Variants in SETD6 observed in about 807,000 individuals in gnomAD.
SETD6 encodes the protein N-lysine methyltransferase SETD6.
A neutral mutation model predicts 52.7 loss-of-function variants in SETD6; 67 were observed. That is an observed-to-expected ratio of 1.27 (90% confidence interval 1.04 to 1.56). The LOEUF (loss-of-function observed/expected upper bound fraction) is 1.56, where lower values mean the gene tolerates loss of function less well. Among genes scored for constraint, SETD6 ranks in the 40% most tolerant of loss-of-function variants. SETD6 has a pLI of 0.00. For missense variants in SETD6, 712 were observed against 607.5 expected (o/e 1.17, Z -1.81); for synonymous variants, 307 against 250.2 (o/e 1.23, Z -2.14).
At chr16:58,516,151 G>GTTC in intron 2 of SETD6, 51 bp from the exon 3 acceptor site, 1 of 1,312,414 alleles carries the variant, frequency 7.6e-7, no homozygotes, top group Non-Finnish European at 9.7e-7. Context: ...GGGCGGGGCG[G>GTTC]GCCCGGCCCG....
At position 58,516,870 on chromosome 16, in the gene SETD6, C is replaced by T. The variant is rs769375638; in HGVS notation, c.734C>T (p.Pro245Leu). The T allele has an allele frequency of 1.9e-6, 3 of 1,614,080 alleles. No individual in the cohort carries two copies. Among genetic ancestry groups the T allele is most frequent in the African/African-American group, 1.3e-5 (1 of 74,924 alleles). Residue 245 changes from proline to leucine, a missense_variant, in exon 5 of 8, where the codon CCT becomes CTT. Physicochemically the swap from Pro to Leu is moderately conservative, Grantham distance 98 (BLOSUM62 -3). Transcript: ENST00000219315. Reference sequence around the variant, plus strand: ...GAGCCCAACTCCCCCGTGATGGTGCCTGCTGCAGACATACTAAACCACTTA... The same window carrying T: ...GAGCCCAACTCCCCCGTGATGGTGCTTGCTGCAGACATACTAAACCACTTA... Reference protein sequence around the residue: ...EKEPNSPVMVPAADILNHLAN... With the variant: ...EKEPNSPVMVLAADILNHLAN...
Position 58,520,954 on chromosome 16 carries a change from T to C in SETD6, c.*1925T>C, listed in dbSNP as rs2151884740. ...TGACACGTACAACAGAGATGCAGTT[T>C]CGTCTAACTGGCACCTGTCCCTTCC... On this transcript the variant is annotated 3_prime_UTR_variant, in exon 8 of 8. Coordinates refer to ENST00000219315, the MANE Select transcript of SETD6 (RefSeq NM_001160305.4). 1 of 1,613,046 alleles carries C rather than the reference T, an allele frequency of 6.2e-7. No homozygotes were observed. The highest frequency in any genetic ancestry group is 8.5e-7 in the Non-Finnish European group (1 of 1,179,990).
Position 58,515,968 on chromosome 16 carries a change from C to G in SETD6, c.205C>G (p.Gln69Glu). 1 of 1,532,678 alleles carries G rather than the reference C, an allele frequency of 6.5e-7. No individual in the cohort carries two copies. Among genetic ancestry groups the G allele is most frequent in the Non-Finnish European group, 8.7e-7 (1 of 1,149,134 alleles). The allele number at this position is 1,532,678 out of a possible 1,614,324, so 94.9% of individuals were successfully genotyped here. ...TCCTGCTCAGGTGGCGGTCAGCCGG[C>G]AGGGCACGGTGGCCGGCTACGGCAT... ...SPPAQVAVSR[Q>E]GTVAGYGMVA... The change falls in exon 2 of 8, where the codon CAG becomes GAG. Residue 69 changes from glutamine (Q) to glutamate (E), a missense_variant. By Grantham distance (29) the Gln-to-Glu change is conservative. Coordinates refer to ENST00000219315, the MANE Select transcript of SETD6 (RefSeq NM_001160305.4).
Position 58,520,774 on chromosome 16 carries a change from G to T in SETD6, c.*1745G>T. The T allele has an allele frequency of 3.3e-6, 2 of 606,888 alleles. No individual in the cohort carries two copies. The highest frequency in any genetic ancestry group is 5.7e-6 in the Non-Finnish European group (2 of 349,496). 37.6% of individuals were successfully genotyped at this position (606,888 alleles called of 1,614,324 possible). A position where few individuals can be genotyped will look rare whatever the true frequency, so the allele number is the denominator to read the frequency against. On this transcript the variant is annotated 3_prime_UTR_variant, in exon 8 of 8. Coordinates refer to ENST00000219315, the MANE Select transcript of SETD6 (RefSeq NM_001160305.4). The stretch of plus-strand genomic sequence containing the variant: ...AATTTTGGCCAAGAGTCAAAAAAAT[G>T]CATTTAAACTTTGGAACGTGCCCAC...
In SETD6 at chr16:58,521,350, T is replaced by TA. The variant is rs1205505331; in HGVS notation, c.*2322dup. 7.0e-6 allele frequency: 11 copies of TA among 1,569,440 alleles called. No individual in the cohort carries two copies. Among genetic ancestry groups the TA allele is most frequent in the Non-Finnish European group, 9.5e-6 (11 of 1,161,468 alleles). ...AAGGGAGAAAGAGCTAGTTAATGTA[T>TA]AGAAGCATACAAATTCATGATTATT... On this transcript the variant is annotated 3_prime_UTR_variant, in exon 8 of 8. Transcript: ENST00000219315.
Position 58,516,275 on chromosome 16 carries a change from G to A in SETD6, c.408G>A (p.Pro136=). The A allele has an allele frequency of 6.2e-7, 1 of 1,602,646 alleles. No homozygotes were observed. Among genetic ancestry groups the A allele is most frequent in the South Asian group, 1.1e-5 (1 of 91,014 alleles). Residue 136 remains proline (P), a synonymous_variant, in exon 3 of 8, where the codon CCG becomes CCA. Transcript: ENST00000219315. ...LLALLHELQA[P]ASRWRPYFAL... ...CGCTGCTCCACGAGCTGCAGGCCCC[G>A]GCCTCACGCTGGAGGCCCTACTTTG... is the stretch of plus-strand genomic sequence containing the variant.
rs752670597 is a variant in SETD6 at position 58,518,082 on chromosome 16, T to C, written c.824T>C (p.Ile275Thr). ...CTTCGGATGGTAGCCACTCAGCCCA[T>C]TCCTAAAGGCCATGAGATTTTCAAC... The part of the protein sequence containing the change: ...NCLRMVATQP[I>T]PKGHEIFNTY... Residue 275 changes from isoleucine to threonine, a missense_variant, in exon 6 of 8, where the codon ATT becomes ACT. Physicochemically the swap from Ile to Thr is moderately conservative, Grantham distance 89. Transcript: ENST00000219315. 1 of 1,614,182 alleles carries C rather than the reference T, an allele frequency of 6.2e-7. No homozygotes were observed. Among genetic ancestry groups the C allele is most frequent in the Non-Finnish European group, 8.5e-7 (1 of 1,180,030 alleles).
chr16:58,519,556 T>C lies in SETD6; in HGVS notation c.*527T>C, dbSNP rs1384549923. 3 of 152,896 alleles carry C rather than the reference T, an allele frequency of 2.0e-5. No homozygotes were observed. The highest frequency in any genetic ancestry group is 7.3e-5 in the African/African-American group (3 of 41,346). The allele number at this position is 152,896 out of a possible 1,614,324, so 9.5% of individuals were successfully genotyped here. On this transcript the variant is annotated 3_prime_UTR_variant, in exon 8 of 8. Transcript: ENST00000219315. ...AATTATTTAATTTTGAACTGTTTTG[T>C]CCTCTCTGGCCATAAAACTTGACAG...
Position 58,516,046 on chromosome 16 carries a change from G to C in SETD6, c.283G>C (p.Ala95Pro). 1 of 1,515,148 alleles carries C rather than the reference G, an allele frequency of 6.6e-7. No homozygotes were observed. Among genetic ancestry groups the C allele is most frequent in the Non-Finnish European group, 8.7e-7 (1 of 1,143,090 alleles). The allele number at this position is 1,515,148 out of a possible 1,614,324, so 93.9% of individuals were successfully genotyped here. ...AGAGCTGTTGTTCGTGGTGCCGCGG[G>C]CCGCGCTCCTGTCGCAGCACACCTG... ...AGELLFVVPR[A>P]ALLSQHTCSI... is the part of the protein sequence containing the mutation. Residue 95 changes from alanine (A) to proline (P), a missense_variant, in exon 2 of 8, where the codon GCC becomes CCC. Coordinates refer to ENST00000219315, the MANE Select transcript of SETD6 (RefSeq NM_001160305.4).
chr16:58,520,907 CGGT>C lies in SETD6; in HGVS notation c.*1880_*1882del, dbSNP rs778905147. 31 of 1,559,088 alleles carry C rather than the reference CGGT, an allele frequency of 2.0e-5. No individual in the cohort carries two copies. Among genetic ancestry groups the C allele is most frequent in the Middle Eastern group, 3.3e-4 (2 of 5,998 alleles). ...GGATTCTTCAGTCAGTTTATGAACT[CGGT>C]GCAGTGAGACCTCTAGACTGACACG... On this transcript the variant is annotated 3_prime_UTR_variant, in exon 8 of 8. Transcript: ENST00000219315.
intron 3 of SETD6, 51 bp downstream of exon 3, chr16:58,516,394 A>G: frequency 1.9e-6 from 3 of 1,548,074 alleles, no homozygotes; most frequent in East Asian, 2.5e-5. Flanking sequence ...GCCTGCTGCA[A>G]GAAGTTTCCC....
Position 58,520,825 on chromosome 16 carries a change from G to A in SETD6, c.*1796G>A. 1 of 874,328 alleles carries A rather than the reference G, an allele frequency of 1.1e-6. No individual in the cohort carries two copies. Among genetic ancestry groups the A allele is most frequent in the South Asian group, 1.5e-5 (1 of 65,646 alleles). 54.2% of individuals were successfully genotyped at this position (874,328 alleles called of 1,614,324 possible). On this transcript the variant is annotated 3_prime_UTR_variant, in exon 8 of 8. Coordinates refer to ENST00000219315, the MANE Select transcript of SETD6 (RefSeq NM_001160305.4). ...ATAAGACAGGAGGCTGATCCCAACA[G>A]TAGTTGGGGCAGATACCCACAAACC... is the stretch of plus-strand genomic sequence containing the variant.
At position 58,519,838 on chromosome 16, in the gene SETD6, A is replaced by AAGTT. The variant is rs940621540; in HGVS notation, c.*814_*817dup. 8 of 152,076 alleles carry AAGTT rather than the reference A, an allele frequency of 5.3e-5. No individual in the cohort carries two copies. In the South Asian group the frequency reaches 6.2e-4, roughly 12 times the overall value. 9.4% of individuals were successfully genotyped at this position (152,076 alleles called of 1,614,324 possible). On this transcript the variant is annotated 3_prime_UTR_variant, in exon 8 of 8. Coordinates refer to ENST00000219315, the MANE Select transcript of SETD6 (RefSeq NM_001160305.4). ...ATCAATCAATCAATCATTCAGCAAG[A>AAGTT]AGTTAGTTGGTGGTTCCCCATGGCC...
chr16:58,516,657 T>C lies in SETD6; in HGVS notation c.656T>C (p.Leu219Pro). ...SLELYHQLVA[L>P]VMAYSFQEPL... Reference sequence around the variant, plus strand: ...GAACTCTACCACCAGCTGGTGGCCCTTGTGATGGCCTATAGGTCAGTGGGT... The same window carrying C: ...GAACTCTACCACCAGCTGGTGGCCCCTGTGATGGCCTATAGGTCAGTGGGT... Residue 219 changes from leucine (L) to proline (P), a missense_variant, in exon 4 of 8, where the codon CTT becomes CCT. Transcript: ENST00000219315. The C allele has an allele frequency of 6.2e-7, 1 of 1,613,868 alleles. No individual in the cohort carries two copies. The highest frequency in any genetic ancestry group is 2.2e-5 in the East Asian group (1 of 44,872).
In SETD6 at chr16:58,518,546, A is replaced by T; in HGVS notation, c.1116+3A>T. ...AGGAGCTGACCACCACACTAAAGGT[A>T]AACGGCTGAAAATGGCCATTTAATG... On this transcript the variant is annotated splice_donor_region_variant and intron_variant, in intron 7 of 7. Transcript: ENST00000219315. 1 of 1,597,110 alleles carries T rather than the reference A, an allele frequency of 6.3e-7. No individual in the cohort carries two copies. The highest frequency in any genetic ancestry group is 8.5e-7 in the Non-Finnish European group (1 of 1,176,348).
rs897282482 is a variant in SETD6, at chr16:58,520,594, A to G, written c.*1565A>G. 23 of 235,252 alleles carry G rather than the reference A, an allele frequency of 9.8e-5. No homozygotes were observed. The highest frequency in any genetic ancestry group is 3.3e-4 in the South Asian group (4 of 12,000). The allele number at this position is 235,252 out of a possible 1,614,324, so 14.6% of individuals were successfully genotyped here. A position where few individuals can be genotyped will look rare whatever the true frequency, so the allele number is the denominator to read the frequency against. On this transcript the variant is annotated 3_prime_UTR_variant, in exon 8 of 8. Transcript: ENST00000219315. ...TCAGAAGACATGGAGCTATGCCCTC[A>G]GACAAGTGCATGGCATCAGCTGCCT...
Position 58,516,799 on chromosome 16 carries a change from CA to C in SETD6, c.672-7del. The stretch of plus-strand genomic sequence containing the variant: ...AGACAGGGCCTTAGCCAGGTTCTGT[CA>C]ATGGCAGCTTTCAGGAACCACTGGA... On this transcript the variant is annotated splice_polypyrimidine_tract_variant and splice_region_variant and intron_variant, in intron 4 of 7. Coordinates refer to ENST00000219315, the MANE Select transcript of SETD6 (RefSeq NM_001160305.4). 6.2e-7 allele frequency: 1 copy of C among 1,614,184 alleles called. No homozygotes were observed. The highest frequency in any genetic ancestry group is 8.5e-7 in the Non-Finnish European group (1 of 1,180,034).
rs746036152 is a variant in SETD6 at position 58,516,669 on chromosome 16, A to G, written c.668A>G (p.Tyr223Cys). The change falls in exon 4 of 8, where the codon TAT becomes TGT. Residue 223 changes from tyrosine (Y) to cysteine (C), a missense_variant. Physicochemically the swap from Tyr to Cys is radical, Grantham distance 194. Transcript: ENST00000219315. ...YHQLVALVMA[Y>C]SFQEPLEEEE... ...CAGCTGGTGGCCCTTGTGATGGCCT[A>G]TAGGTCAGTGGGTGGGGCCTCTGAG... 10 of 1,613,262 alleles carry G rather than the reference A, an allele frequency of 6.2e-6. No homozygotes were observed. The highest frequency in any genetic ancestry group is 1.6e-4 in the Middle Eastern group (1 of 6,080).
rs1012061003 is a variant in SETD6, at chr16:58,523,183, T to G, written c.*4154T>G. 7.1e-6 allele frequency: 3 copies of G among 423,262 alleles called. No individual in the cohort carries two copies. In the Admixed American group the frequency reaches 1.3e-4, roughly 18 times the overall value. The allele number at this position is 423,262 out of a possible 1,614,324, so 26.2% of individuals were successfully genotyped here. On this transcript the variant is annotated 3_prime_UTR_variant, in exon 8 of 8. Coordinates refer to ENST00000219315, the MANE Select transcript of SETD6 (RefSeq NM_001160305.4). ...TCGCTTGAACCTGGGAGGCGGAGGT[T>G]GCAGTGAGCCAAGATGGCGCCACTG...
Sources: gnomAD v4.1 joint callset for allele counts on GRCh38, gnomAD v4.1.1 for gene constraint, MANE v1.5 for transcripts, NCBI Gene and HGNC (gene_info 2026-07-23, HGNC 2026-07-21) for gene names.